Variants in FHOD3 observed in about 807,000 individuals in gnomAD.
FHOD3 encodes FH1/FH2 domain-containing protein 3.
In FHOD3, 90 loss-of-function variants were observed where a neutral mutation model predicts 173.0. The ratio of observed to expected loss-of-function variants is 0.52; its 90% CI spans 0.44 to 0.62. The LOEUF is 0.62. Among genes scored for constraint, FHOD3 ranks in the 20% least tolerant of loss-of-function variants. FHOD3 has a pLI of 0.00. For synonymous variants in FHOD3, 828 were observed against 823.0 expected, an observed-to-expected ratio of 1.01 and a Z score of -0.10; for missense variants, 1,945 against 2,034.7, an observed-to-expected ratio of 0.96 and a Z score of 0.85.
At chr18:36,741,740 T>C (rs1315459107) in intron 21 of FHOD3, among the ~76,000 whole-genome samples, 2 of 151,290 alleles carry the variant, frequency 1.3e-5, no homozygotes, top group South Asian at 2.1e-4. Context: ...TACTGTACTC[T>C]AGCCTGGGCA....
chr18:36,765,964 A>G (rs763481173), intron 27 of FHOD3, among the ~76,000 whole-genome samples: 6 of 152,144 alleles, frequency 3.9e-5, no homozygotes, highest in Non-Finnish European at 7.4e-5. Context: ...ATATCAACCA[A>G]CATATTTAAG....
At chr18:36,515,150 T>C (rs1351553982) in intron 5 of FHOD3, among the ~76,000 whole-genome samples, 2 of 152,204 alleles carry the variant, frequency 1.3e-5, no homozygotes, top group Non-Finnish European at 2.9e-5. Context: ...ATGATGTTGA[T>C]ACAGGGAACT....
chr18:36,642,039 A>T (rs2035345957), intron 10 of FHOD3, among the ~76,000 whole-genome samples: 1 of 152,184 alleles, frequency 6.6e-6, no homozygotes, highest in Admixed American at 6.5e-5. Flanking sequence ...ATGCAGGAAC[A>T]GAAAACCAAA....
chr18:36,692,806 C>A (rs1310979966), intron 16 of FHOD3, among the ~76,000 whole-genome samples: 3 of 152,152 alleles, frequency 2.0e-5, no homozygotes, highest in African/African-American at 7.2e-5. Context: ...TTTCTCTCTG[C>A]CACACCAAGG....
intron 1 of FHOD3, among the ~76,000 whole-genome samples, chr18:36,311,487 A>T (rs958210071): frequency 2.6e-5 from 4 of 152,166 alleles, no homozygotes; most frequent in Non-Finnish European, 5.9e-5. Context: ...AAATCTTCGG[A>T]CAGTAGCACC....
At chr18:36,382,410 A>C (rs1294570893) in intron 3 of FHOD3, among the ~76,000 whole-genome samples, 3 of 152,208 alleles carry the variant, frequency 2.0e-5, no homozygotes, top group Non-Finnish European at 4.4e-5. Context: ...TTATTGCTGT[A>C]ACCGGATACA....
At chr18:36,540,620 G>A (rs2057171610) in intron 5 of FHOD3, among the ~76,000 whole-genome samples, 1 of 152,220 alleles carries the variant, frequency 6.6e-6, no homozygotes, top group South Asian at 2.1e-4. Context: ...AGTGATTTAA[G>A]TGGGAATTGG....
chr18:36,301,647 T>TGGTAATTA, intron 1 of FHOD3, among the ~76,000 whole-genome samples: 1 of 152,258 alleles, frequency 6.6e-6, no homozygotes, highest in Admixed American at 6.5e-5. Flanking sequence ...AAAAGAAAAA[T>TGGTAATTA]GGTAATTATA....
At chr18:36,764,471 C>T (rs1002227413) in intron 27 of FHOD3, among the ~76,000 whole-genome samples, 2 of 151,848 alleles carry the variant, frequency 1.3e-5, no homozygotes, top group Non-Finnish European at 2.9e-5. Context: ...TGAAGGTGAA[C>T]ATTAATGCCT....
At chr18:36,638,539 T>C (rs1255850019) in intron 10 of FHOD3, among the ~76,000 whole-genome samples, 3 of 151,724 alleles carry the variant, frequency 2.0e-5, no homozygotes, top group South Asian at 4.2e-4. Context: ...CAAGGGAGAG[T>C]GGCAGCAGGG....
chr18:36,367,290 T>G (rs1396636636), intron 2 of FHOD3, among the ~76,000 whole-genome samples: 1 of 152,204 alleles, frequency 6.6e-6, no homozygotes, highest in Non-Finnish European at 1.5e-5. Flanking sequence ...GATAGTCCCC[T>G]TGGCACTTGG....
intron 3 of FHOD3, among the ~76,000 whole-genome samples, chr18:36,446,486 T>A (rs924380595): frequency 7.3e-5 from 11 of 151,674 alleles, no homozygotes; most frequent in Non-Finnish European, 1.0e-4. Flanking sequence ...TCAGGCCTAA[T>A]TCCTCATTGG....
At chr18:36,320,601 G>A (rs1477225724) in intron 1 of FHOD3, among the ~76,000 whole-genome samples, 3 of 152,190 alleles carry the variant, frequency 2.0e-5, no homozygotes, top group Admixed American at 6.5e-5. Context: ...CCAAGCAATA[G>A]AAAAAGAGGG....
At chr18:36,629,077 A>G (rs756849436) in intron 10 of FHOD3, among the ~76,000 whole-genome samples, 9 of 152,236 alleles carry the variant, frequency 5.9e-5, no homozygotes, top group African/African-American at 1.4e-4. Context: ...ATATTTTAAT[A>G]TACGTGGAAG....
intron 1 of FHOD3, among the ~76,000 whole-genome samples, chr18:36,342,223 C>T (rs1436012186): frequency 6.6e-6 from 1 of 151,992 alleles, no homozygotes; most frequent in Non-Finnish European, 1.5e-5. Context: ...GCATAAGAAG[C>T]ATATGAGTCA....
chr18:36,610,853 C>T lies in FHOD3; in HGVS notation c.814-1099C>T, dbSNP rs140337358. ...TAGTGAAGTAAGTAGGGACTAAAGG[C>T]TGAGACTGGAATGGCAGCTCTGAGC... On this transcript the variant is annotated intron_variant, in intron 8 of 28. Coordinates refer to ENST00000590592, the MANE Select transcript of FHOD3 (RefSeq NM_001281740.3). 1.7e-4 allele frequency among the ~76,000 whole-genome samples: 26 copies of T among 152,348 alleles called. No homozygotes were observed. In the East Asian group the frequency reaches 5.0e-3, roughly 29 times the overall value.
chr18:36,617,079 C>G (rs1042178296), intron 9 of FHOD3, among the ~76,000 whole-genome samples: 1 of 152,212 alleles, frequency 6.6e-6, no homozygotes, highest in Non-Finnish European at 1.5e-5. Flanking sequence ...ATCCATAATT[C>G]TGAGTTTATT....
At chr18:36,768,261 A>T (rs1186832985) in intron 27 of FHOD3, among the ~76,000 whole-genome samples, 1 of 152,272 alleles carries the variant, frequency 6.6e-6, no homozygotes, top group Admixed American at 6.5e-5. Context: ...CTGATCAATT[A>T]CAAAGATGTA....
intron 5 of FHOD3, among the ~76,000 whole-genome samples, chr18:36,552,861 T>A (rs1245215392): frequency 6.6e-6 from 1 of 152,164 alleles, no homozygotes; most frequent in Admixed American, 6.5e-5. Context: ...CTATGTTGAA[T>A]AGGAGTGATG....
Sources: gnomAD v4.1 joint callset for allele counts (sites outside exome capture counted in the v4.1 genomes callset) on GRCh38, gnomAD v4.1.1 for gene constraint, MANE v1.5 for transcripts, NCBI Gene and HGNC (gene_info 2026-07-23, HGNC 2026-07-21) for gene names.